The following MID1 variants were observed in gnomAD, a reference collection of about 807,000 sequenced individuals.
The protein encoded by MID1 is E3 ubiquitin-protein ligase Midline-1.
MID1 carries 7 observed loss-of-function variants against 40.4 expected under a neutral mutation model. The observed-to-expected ratio is 0.17, with a 90% CI of 0.10 to 0.33. The LOEUF (loss-of-function observed/expected upper bound fraction) is 0.33. MID1 is among the 10% of genes least tolerant of loss of function. MID1 has a pLI of 1.00. For synonymous variants in MID1, 229 were observed against 221.2 expected, an observed-to-expected ratio of 1.04 and a Z score of -0.31; for missense variants, 367 against 558.5, an observed-to-expected ratio of 0.66 and a Z score of 3.46.
At chrX:10,712,773 A>G (rs1398982816) in intron 1 of MID1, among the ~76,000 whole-genome samples, 1 of 112,094 alleles carries the variant, frequency 8.9e-6, no homozygotes. Context: ...GCCCCACTCC[A>G]GACATACAGA....
intron 1 of MID1, among the ~76,000 whole-genome samples, chrX:10,736,433 A>G (rs1280266610): frequency 3.6e-5 from 4 of 112,078 alleles, no homozygotes; most frequent in Admixed American, 1.9e-4. Context: ...TTCATATGCC[A>G]TATTTTTTTG....
chrX:10,773,739 C>T (rs113174196), intron 1 of MID1, among the ~76,000 whole-genome samples: 4,888 of 111,920 alleles, frequency 0.044, 235 homozygotes, highest in African/African-American at 0.15. Context: ...CGGCTTCTAC[C>T]TTAGTCCACT....
At chrX:10,661,120 T>C (rs2042908687) in intron 1 of MID1, among the ~76,000 whole-genome samples, 1 of 111,470 alleles carries the variant, frequency 9.0e-6, no homozygotes, top group Non-Finnish European at 1.9e-5. Context: ...TGAAATGATG[T>C]GATAATTTGT....
intron 1 of MID1, among the ~76,000 whole-genome samples, chrX:10,696,279 C>T (rs1030630916): frequency 8.9e-6 from 1 of 111,760 alleles, no homozygotes. Flanking sequence ...AGTAAACACA[C>T]TATGCATGCA....
chrX:10,636,784 G>GTA (rs1198448070), intron 1 of MID1, among the ~76,000 whole-genome samples: 7 of 12,157 alleles, frequency 5.8e-4, no homozygotes, highest in African/African-American at 2.1e-3. Context: ...CCAACAATGG[G>GTA]GATATATATA....
intron 9 of MID1, 59 bp from the exon 10 acceptor site, chrX:10,449,775 A>C (rs1331310761): frequency 9.3e-6 from 8 of 857,540 alleles, no homozygotes; most frequent in Non-Finnish European, 1.4e-5. Context: ...TGCACGTTAA[A>C]TCCGTTCTGT....
chrX:10,683,728 G>A (rs895173018), intron 1 of MID1, among the ~76,000 whole-genome samples: 1 of 104,232 alleles, frequency 9.6e-6, no homozygotes, highest in Non-Finnish European at 1.9e-5. Context: ...AGCCATTCTG[G>A]AAGGGCAGGA....
intron 1 of MID1, among the ~76,000 whole-genome samples, chrX:10,726,105 T>C (rs1017965015): frequency 1.8e-5 from 2 of 111,736 alleles, no homozygotes; most frequent in South Asian, 3.7e-4. Context: ...ATAAGACATA[T>C]AGTAAATTAT....
chrX:10,565,594 A>G, intron 2 of MID1: 1 of 302,591 alleles, frequency 3.3e-6, no homozygotes, highest in South Asian at 3.2e-5. Flanking sequence ...GAAGGACTTC[A>G]ATATATATTT....
At position 10,447,695 on chromosome X, in the gene MID1, T is replaced by G. The variant is rs1328299488; in HGVS notation, c.*1673A>C. The G allele has an allele frequency of 9.1e-6, 1 of 110,358 alleles. No individual in the cohort carries two copies. The highest frequency in any genetic ancestry group is 3.3e-5 in the African/African-American group (1 of 30,271). 9.1% of individuals were successfully genotyped at this position (110,358 alleles called of 1,213,427 possible). A position where few individuals can be genotyped will look rare whatever the true frequency, so the allele number is the denominator to read the frequency against. On this transcript the variant is annotated 3_prime_UTR_variant, in exon 10 of 10. Transcript: ENST00000317552. Reference sequence around the variant, plus strand: ...ATCTATCTGTTAAGAAAAAGGAGAGTGTCTGCTAGGGAAGAGGATGGAAGG... The same window carrying G: ...ATCTATCTGTTAAGAAAAAGGAGAGGGTCTGCTAGGGAAGAGGATGGAAGG...
chrX:10,485,235 G>A (rs778261981), intron 4 of MID1, among the ~76,000 whole-genome samples: 3 of 112,057 alleles, frequency 2.7e-5, no homozygotes, highest in South Asian at 3.7e-4. Flanking sequence ...GCTAACCCCT[G>A]GCTTAAATGA....
At chrX:10,713,876 A>T (rs2043284618) in intron 1 of MID1, among the ~76,000 whole-genome samples, 1 of 111,758 alleles carries the variant, frequency 8.9e-6, no homozygotes, top group African/African-American at 3.3e-5. Context: ...TACTCCGGGC[A>T]TGTTTACTCT....
chrX:10,619,164 A>C (rs1935890452), intron 1 of MID1, among the ~76,000 whole-genome samples: 1 of 112,013 alleles, frequency 8.9e-6, no homozygotes, highest in South Asian at 3.7e-4. Context: ...GACCATTCGA[A>C]GGGGGCTCTG....
intron 3 of MID1, 35 bp from the exon 4 acceptor site, chrX:10,495,726 G>A: frequency 9.7e-7 from 1 of 1,029,724 alleles, no homozygotes; most frequent in Admixed American, 2.2e-5. Flanking sequence ...TGTTAATTTG[G>A]CCTTTGTTTT....
intron 1 of MID1, among the ~76,000 whole-genome samples, chrX:10,676,807 C>G (rs1325142029): frequency 9.0e-6 from 1 of 111,260 alleles, no homozygotes; most frequent in Non-Finnish European, 1.9e-5. Context: ...GTCATGGATC[C>G]CAGCCCTCTG....
chrX:10,609,496 A>G (rs1383569494), intron 1 of MID1, among the ~76,000 whole-genome samples: 1 of 110,603 alleles, frequency 9.0e-6, no homozygotes, highest in Non-Finnish European at 1.9e-5. Flanking sequence ...CATCATTTCA[A>G]TTTTACAGGT....
chrX:10,518,787 C>T (rs1206757130), intron 3 of MID1, among the ~76,000 whole-genome samples: 1 of 111,655 alleles, frequency 9.0e-6, no homozygotes, highest in Non-Finnish European at 1.9e-5. Flanking sequence ...CATGTGCTTC[C>T]ATTCCCAAGG....
chrX:10,489,806 C>T (rs1930836242), intron 4 of MID1, among the ~76,000 whole-genome samples: 1 of 109,286 alleles, frequency 9.2e-6, no homozygotes, highest in Non-Finnish European at 1.9e-5. Flanking sequence ...CGCCATTCTC[C>T]TGCCTCAGCC....
intron 1 of MID1, among the ~76,000 whole-genome samples, chrX:10,718,782 G>A (rs1406062492): frequency 9.0e-6 from 1 of 111,502 alleles, no homozygotes; most frequent in Non-Finnish European, 1.9e-5. Flanking sequence ...GATGAACATC[G>A]ATGCAAAAAT....
Sources: gnomAD v4.1 joint callset for allele counts (sites outside exome capture counted in the v4.1 genomes callset) on GRCh38, gnomAD v4.1.1 for gene constraint, MANE v1.5 for transcripts, NCBI Gene and HGNC (gene_info 2026-07-23, HGNC 2026-07-21) for gene names.